The following KIF23 variants were observed in gnomAD, a reference collection of about 807,000 sequenced individuals.
KIF23 encodes kinesin-like protein KIF23.
In KIF23, 30 loss-of-function variants were observed where a neutral mutation model predicts 137.5. The observed-to-expected ratio is 0.22, with a 90% CI of 0.16 to 0.30. The LOEUF is 0.30. KIF23 is among the 10% of genes least tolerant of loss of function. KIF23 has a pLI of 1.00. For synonymous variants in KIF23, 367 were observed against 391.1 expected, an observed-to-expected ratio of 0.94 and a Z score of 0.73; for missense variants, 920 against 1,194.3, an observed-to-expected ratio of 0.77 and a Z score of 3.38.
intron 19 of KIF23, among the ~76,000 whole-genome samples, chr15:69,443,117 C>G (rs2057660513): frequency 6.6e-6 from 1 of 152,050 alleles, no homozygotes; most frequent in African/African-American, 2.4e-5. Flanking sequence ...TCCTGTTTGT[C>G]TTGAGGCTCA....
At chr15:69,435,855 T>C (rs1026728791) in intron 13 of KIF23, 84 bp downstream of exon 13, 52 of 1,514,696 alleles carry the variant, frequency 3.4e-5, no homozygotes, top group Non-Finnish European at 4.5e-5. Flanking sequence ...ACATTTTGAA[T>C]ATTTTAAAAA....
chr15:69,434,614 A>G, intron 11 of KIF23: 1 of 1,342,032 alleles, frequency 7.5e-7, no homozygotes, highest in Non-Finnish European at 1.1e-6. Flanking sequence ...TCTTAGAAAC[A>G]TAGTTGATGA....
Position 69,414,406 on chromosome 15 carries a change from C to T in KIF23, c.-60C>T, listed in dbSNP as rs897507144. 9 of 1,561,284 alleles carry T rather than the reference C, an allele frequency of 5.8e-6. No homozygotes were observed. The highest frequency in any genetic ancestry group is 2.4e-5 in the East Asian group (1 of 41,854). ...GTTCTTGCTGCCGGTCCTAACGTCC[C>T]GCAGTCTTCGCCAGCCAGCCGTCCC... On this transcript the variant is annotated 5_prime_UTR_variant, in exon 1 of 24. Coordinates refer to ENST00000679126, the MANE Select transcript of KIF23 (RefSeq NM_001367805.3).
At chr15:69,443,326 G>GTTTTTT (rs10538305) in intron 19 of KIF23, among the ~76,000 whole-genome samples, 3 of 58,598 alleles carry the variant, frequency 5.1e-5, no homozygotes, top group African/African-American at 6.7e-5. Context: ...TGTTTTTTGG[G>GTTTTTT]TTTTTTTTTT....
chr15:69,434,877 C>T (rs909242817), intron 11 of KIF23: 28 of 744,064 alleles, frequency 3.8e-5, no homozygotes, highest in Admixed American at 8.9e-5. Flanking sequence ...CATAGCTGCG[C>T]GGCCATGCTT....
chr15:69,443,338 T>G (rs1174413857), intron 19 of KIF23, among the ~76,000 whole-genome samples: 43 of 119,856 alleles, frequency 3.6e-4, no homozygotes, highest in Admixed American at 1.0e-3. Flanking sequence ...TTTTTTTTTT[T>G]TTTTTTTTTT....
At chr15:69,420,762 A>C (rs1011196611) in intron 3 of KIF23, among the ~76,000 whole-genome samples, 2 of 152,002 alleles carry the variant, frequency 1.3e-5, no homozygotes, top group African/African-American at 4.8e-5. Flanking sequence ...ACCACAGCTC[A>C]CTGTTTTTTG....
intron 1 of KIF23, chr15:69,414,911 G>A (rs2056858092): frequency 6.0e-6 from 1 of 167,588 alleles, no homozygotes; most frequent in African/African-American, 2.4e-5. Context: ...AGTGTGCTGG[G>A]CATTGGTTAG....
At chr15:69,430,980 T>C (rs1314256629) in intron 11 of KIF23, among the ~76,000 whole-genome samples, 2 of 152,134 alleles carry the variant, frequency 1.3e-5, no homozygotes, top group Non-Finnish European at 2.9e-5. Flanking sequence ...GGATTAGTCT[T>C]TTAGAAAGAT....
Position 69,414,474 on chromosome 15 carries a change from A to G in KIF23, c.9A>G (p.Ser3=), listed in dbSNP as rs1343634482. 1 of 1,586,750 alleles carries G rather than the reference A, an allele frequency of 6.3e-7. No homozygotes were observed. The highest frequency in any genetic ancestry group is 8.6e-7 in the Non-Finnish European group (1 of 1,166,812). The change falls in exon 1 of 24, where the codon TCA becomes TCG. Residue 3 remains serine, a splice_region_variant and synonymous_variant. Transcript: ENST00000679126. MK[S]ARAKTPRKPT... is the part of the protein sequence containing the mutation. ...GCGTGGAGCCTGCTGCCATGAAGTC[A>G]GCGTGAGTACGAGGCCGCCGAGCAG...
At chr15:69,420,272 A>G (rs1029358382) in intron 3 of KIF23, among the ~76,000 whole-genome samples, 1 of 152,130 alleles carries the variant, frequency 6.6e-6, no homozygotes, top group Non-Finnish European at 1.5e-5. Context: ...TCAAAAAAAA[A>G]AAGAAGAAAA....
intron 10 of KIF23, among the ~76,000 whole-genome samples, chr15:69,428,334 C>T (rs1051043860): frequency 5.9e-5 from 9 of 151,702 alleles, no homozygotes; most frequent in South Asian, 2.1e-4. Context: ...AGCATTAGTT[C>T]GGTACCACTT....
At chr15:69,422,189 T>C (rs1263383244) in intron 5 of KIF23, 61 bp downstream of exon 5, 13 of 1,567,134 alleles carry the variant, frequency 8.3e-6, no homozygotes, top group Middle Eastern at 1.7e-4. Flanking sequence ...ATGGATACAG[T>C]AGTAGTAAAG....
rs955434392 is a variant in KIF23, at chr15:69,423,253, G to A, written c.658G>A (p.Val220Ile). 6.3e-7 allele frequency: 1 copy of A among 1,588,354 alleles called. No individual in the cohort carries two copies. The highest frequency in any genetic ancestry group is 8.6e-7 in the Non-Finnish European group (1 of 1,160,434). The change falls in exon 7 of 24, where the codon GTC becomes ATC. Residue 220 changes from valine (V) to isoleucine (I), a missense_variant. Physicochemically the swap from Val to Ile is conservative, Grantham distance 29. Around this residue, in one of 4 missense-constraint regions of KIF23, gnomAD observed 714 missense variants for 866.2 expected, o/e 0.82. Coordinates refer to ENST00000679126, the MANE Select transcript of KIF23 (RefSeq NM_001367805.3). ...TGAAGATAGTGTCTATGGTGTATTTGTCTCTTATATTGAAATATATAATAA... is the reference window on the plus strand; with the variant it reads ...TGAAGATAGTGTCTATGGTGTATTTATCTCTTATATTGAAATATATAATAA... The part of the protein sequence containing the change: ...VDEDSVYGVF[V>I]SYIEIYNNYI...
chr15:69,421,839 T>A, intron 4 of KIF23, 87 bp downstream of exon 4: 1 of 1,293,190 alleles, frequency 7.7e-7, no homozygotes. Context: ...ATTTGATTTA[T>A]GTTTGGTGTT....
intron 11 of KIF23, 149 bp from the exon 12 acceptor site, chr15:69,435,334 G>A: frequency 1.6e-6 from 1 of 625,754 alleles, no homozygotes; most frequent in South Asian, 2.1e-5. Context: ...ACCATGCATA[G>A]ACAGCTCTTT....
chr15:69,421,398 G>A (rs542476358), intron 3 of KIF23, among the ~76,000 whole-genome samples: 15 of 152,088 alleles, frequency 9.9e-5, no homozygotes, highest in Admixed American at 7.9e-4. Flanking sequence ...CAAAAAAAAA[G>A]AGTTTTCTAC....
intron 11 of KIF23, chr15:69,434,794 CCTT>C (rs922090437): frequency 3.8e-6 from 4 of 1,043,842 alleles, no homozygotes; most frequent in Admixed American, 3.8e-5. Context: ...CAAGGCAGCC[CCTT>C]CTTCTTGCAC....
At chr15:69,429,901 C>G (rs868276329) in intron 11 of KIF23, among the ~76,000 whole-genome samples, 16 of 151,978 alleles carry the variant, frequency 1.1e-4, no homozygotes, top group Middle Eastern at 3.2e-3. Context: ...TCTATAGTTC[C>G]AAGGTACTTG....
Sources: allele counts gnomAD v4.1 joint callset (sites outside exome capture counted in the v4.1 genomes callset), GRCh38; gene constraint gnomAD v4.1.1; regional missense constraint gnomAD v4.1.1; transcripts MANE v1.5; gene names NCBI Gene and HGNC (gene_info 2026-07-23, HGNC 2026-07-21).